Variants in TGS1 observed in about 807,000 individuals in gnomAD.
TGS1 encodes trimethylguanosine synthase 1, also known as trimethylguanosine synthase.
Under a neutral mutation model 92.2 loss-of-function variants are expected in TGS1, and 69 were observed. That is an observed-to-expected ratio of 0.75 (90% CI 0.62 to 0.91). The LOEUF is 0.91. Among genes scored for constraint, TGS1 ranks in the 40% least tolerant of loss-of-function variants. The probability of loss-of-function intolerance (pLI) is 0.00; values close to 1 mark genes in which losing one functional copy is unlikely to be tolerated. For synonymous variants in TGS1, 345 were observed against 338.1 expected (o/e 1.02, Z -0.22); for missense variants, 1,062 against 1,001.2 (o/e 1.06, Z -0.82).
chr8:55,796,480 G>C (rs557323020), intron 7 of TGS1, among the ~76,000 whole-genome samples: 1 of 147,536 alleles, frequency 6.8e-6, no homozygotes, highest in Non-Finnish European at 1.5e-5. Context: ...ACCTGAGGTC[G>C]GGAGTACCAG....
chr8:55,782,683 A>G, intron 1 of TGS1, 65 bp from the exon 2 acceptor site: 1 of 1,256,510 alleles, frequency 8.0e-7, no homozygotes, highest in East Asian at 2.5e-5. Context: ...ATGGCTCGAG[A>G]TTTCTTTCCC....
intron 10 of TGS1, among the ~76,000 whole-genome samples, chr8:55,809,024 G>C (rs953394362): frequency 2.0e-5 from 3 of 152,200 alleles, no homozygotes; most frequent in Non-Finnish European, 2.9e-5. Flanking sequence ...ACACTTAACT[G>C]TTTTGAGTTC....
chr8:55,779,200 A>T (rs114812069), intron 1 of TGS1, among the ~76,000 whole-genome samples: 1 of 152,218 alleles, frequency 6.6e-6, no homozygotes, highest in African/African-American at 2.4e-5. Context: ...AGCAAGTATA[A>T]TGGAAATTCT....
At chr8:55,807,965 G>A (rs1169886180) in intron 10 of TGS1, among the ~76,000 whole-genome samples, 2 of 152,190 alleles carry the variant, frequency 1.3e-5, no homozygotes, top group African/African-American at 4.8e-5. Flanking sequence ...TTAATGTTAA[G>A]TAGGAAAGCG....
At chr8:55,816,722 A>T (rs1202527603) in intron 12 of TGS1, among the ~76,000 whole-genome samples, 1 of 152,172 alleles carries the variant, frequency 6.6e-6, no homozygotes. Flanking sequence ...GGCACATGTC[A>T]TGTAACATTT....
At chr8:55,793,443 GATA>G (rs1288872354) in intron 6 of TGS1, among the ~76,000 whole-genome samples, 1 of 152,140 alleles carries the variant, frequency 6.6e-6, no homozygotes, top group East Asian at 1.9e-4. Context: ...TGTGATCCAT[GATA>G]ATGTCACTGC....
At chr8:55,787,148 G>T in intron 4 of TGS1, 88 bp downstream of exon 4, 1 of 851,284 alleles carries the variant, frequency 1.2e-6, no homozygotes, top group Non-Finnish European at 1.8e-6. Flanking sequence ...TTATTGTAGA[G>T]TTAAATAATA....
chr8:55,820,033 A>G (rs555128421), intron 12 of TGS1, among the ~76,000 whole-genome samples: 3 of 152,302 alleles, frequency 2.0e-5, no homozygotes, highest in East Asian at 1.9e-4. Flanking sequence ...ACCTGGTACA[A>G]TTATCTTCTA....
intron 6 of TGS1, among the ~76,000 whole-genome samples, chr8:55,795,274 A>G (rs1421714639): frequency 6.6e-6 from 1 of 152,212 alleles, no homozygotes; most frequent in East Asian, 1.9e-4. Flanking sequence ...TCTACTTAAA[A>G]GAGAAGGATA....
At chr8:55,781,020 G>A (rs552948182) in intron 1 of TGS1, among the ~76,000 whole-genome samples, 3 of 152,134 alleles carry the variant, frequency 2.0e-5, no homozygotes, top group Admixed American at 6.5e-5. Context: ...TCATTTCTCC[G>A]GGCAACTTGG....
chr8:55,820,981 T>C (rs1003963864), intron 12 of TGS1, among the ~76,000 whole-genome samples: 6 of 152,344 alleles, frequency 3.9e-5, no homozygotes, highest in African/African-American at 1.4e-4. Flanking sequence ...TCATTAAATT[T>C]GCCTGAAGCA....
intron 10 of TGS1, among the ~76,000 whole-genome samples, chr8:55,806,185 G>A (rs369199758): frequency 8.1e-5 from 12 of 148,880 alleles, no homozygotes; most frequent in Admixed American, 7.4e-4. Context: ...GAGAGACCCC[G>A]TCTCTCCTAA....
chr8:55,817,224 C>T (rs1803504897), intron 12 of TGS1, among the ~76,000 whole-genome samples: 1 of 152,070 alleles, frequency 6.6e-6, no homozygotes, highest in African/African-American at 2.4e-5. Flanking sequence ...ATTTTGTTCT[C>T]TGATGTCTAG....
At chr8:55,797,185 A>C (rs1056103469) in intron 7 of TGS1, among the ~76,000 whole-genome samples, 3 of 152,158 alleles carry the variant, frequency 2.0e-5, no homozygotes, top group Admixed American at 6.6e-5. Context: ...CAGAAAACTT[A>C]AAATTATGGT....
chr8:55,816,872 T>A (rs2074177109), intron 12 of TGS1, among the ~76,000 whole-genome samples: 5 of 152,128 alleles, frequency 3.3e-5, no homozygotes, highest in South Asian at 4.2e-4. Flanking sequence ...TTATTTTTTT[T>A]TTTTTTGAGA....
chr8:55,799,166 G>A lies in TGS1; in HGVS notation c.1795G>A (p.Glu599Lys). 1 of 1,614,146 alleles carries A rather than the reference G, an allele frequency of 6.2e-7. No individual in the cohort carries two copies. Among genetic ancestry groups the A allele is most frequent in the Non-Finnish European group, 8.5e-7 (1 of 1,180,020 alleles). ...RDSLLATVPD[E>K]QDCVTQEVPD... Reference sequence around the variant, plus strand: ...CAGCTTGCTAGCAACTGTTCCAGATGAGCAGGATTGTGTTACTCAAGAAGT... The same window carrying A: ...CAGCTTGCTAGCAACTGTTCCAGATAAGCAGGATTGTGTTACTCAAGAAGT... The change falls in exon 8 of 13, where the codon GAG becomes AAG. Residue 599 changes from glutamate to lysine, a missense_variant. Transcript: ENST00000260129.
At chr8:55,790,330 C>A in intron 5 of TGS1, 31 bp downstream of exon 5, 2 of 1,434,714 alleles carry the variant, frequency 1.4e-6, no homozygotes, top group Non-Finnish European at 9.8e-7. Context: ...CTCACCAGAG[C>A]GTGTTAGAGT....
At chr8:55,774,100 T>A (rs1811305698) in intron 1 of TGS1, among the ~76,000 whole-genome samples, 2 of 152,262 alleles carry the variant, frequency 1.3e-5, no homozygotes, top group Admixed American at 1.3e-4. Flanking sequence ...CGTCTTTTTT[T>A]AAACCTAAAA....
intron 12 of TGS1, among the ~76,000 whole-genome samples, chr8:55,813,942 G>A (rs1803402385): frequency 6.6e-6 from 1 of 151,784 alleles, no homozygotes; most frequent in Non-Finnish European, 1.5e-5. Context: ...TTTTTTTGTT[G>A]TTGTTTTTGT....
Sources: gnomAD v4.1 joint callset for allele counts (sites outside exome capture counted in the v4.1 genomes callset) on GRCh38, gnomAD v4.1.1 for gene constraint, MANE v1.5 for transcripts, NCBI Gene and HGNC (gene_info 2026-07-23, HGNC 2026-07-21) for gene names.